The following RAP1GAP2 variants were observed in gnomAD, a reference collection of about 807,000 sequenced individuals.
RAP1GAP2 encodes RAP1 GTPase activating protein 2, also known as rap1 GTPase-activating protein 2.
Under a neutral mutation model 95.0 loss-of-function variants are expected in RAP1GAP2, and 27 were observed. That is an observed-to-expected ratio of 0.28 (90% CI 0.21 to 0.39). The LOEUF (loss-of-function observed/expected upper bound fraction) is 0.39. Ranked by LOEUF, RAP1GAP2 falls within the 10% of genes least tolerant of loss-of-function variation. The pLI, the probability that RAP1GAP2 is intolerant of heterozygous loss-of-function variation, is 1.00. For synonymous variants in RAP1GAP2, 373 were observed against 380.9 expected, an observed-to-expected ratio of 0.98 and a Z score of 0.24; for missense variants, 771 against 970.0, an observed-to-expected ratio of 0.79 and a Z score of 2.72.
rs1233205678 is a variant in RAP1GAP2 at position 2,809,235 on chromosome 17, A to C, written c.80+8685A>C. Among the ~76,000 whole-genome samples the C allele has an allele frequency of 5.3e-5, 8 of 152,254 alleles. No individual in the cohort carries two copies. In the South Asian group the frequency reaches 1.0e-3, roughly 20 times the overall value. The stretch of plus-strand genomic sequence containing the variant: ...GTCTTGTGGGTATCTGCTGATGGGC[A>C]GGCAGGGAGCCGGCTGGCAGCCCTG... On this transcript the variant is annotated intron_variant, in intron 2 of 24. Transcript: ENST00000254695.
intron 1 of RAP1GAP2, among the ~76,000 whole-genome samples, chr17:2,799,748 G>A (rs2069201257): frequency 6.6e-6 from 1 of 152,210 alleles, no homozygotes; most frequent in African/African-American, 2.4e-5. Context: ...CTGACAGTGG[G>A]AACACTGTCC....
At chr17:2,780,474 A>G (rs1300099144) in intron 1 of RAP1GAP2, among the ~76,000 whole-genome samples, 1 of 152,236 alleles carries the variant, frequency 6.6e-6, no homozygotes, top group Non-Finnish European at 1.5e-5. Flanking sequence ...GAAGGTCCAC[A>G]GGTGCCTTTG....
Position 2,943,153 on chromosome 17 carries a change from A to G in RAP1GAP2, c.166-14606A>G, listed in dbSNP as rs550297780. On this transcript the variant is annotated intron_variant, in intron 3 of 24. Coordinates refer to ENST00000254695, the MANE Select transcript of RAP1GAP2 (RefSeq NM_015085.5). Reference sequence around the variant, plus strand: ...TTCTCCTCCCCCCAAGCCCCTGACAATCACGAATCTGTTTTCTGTCTTTAT... The same window carrying G: ...TTCTCCTCCCCCCAAGCCCCTGACAGTCACGAATCTGTTTTCTGTCTTTAT... 7.9e-5 allele frequency among the ~76,000 whole-genome samples: 12 copies of G among 152,154 alleles called. No individual in the cohort carries two copies. The East Asian group carries it at 2.3e-3, about 29-fold the overall frequency.
intron 2 of RAP1GAP2, among the ~76,000 whole-genome samples, chr17:2,886,171 A>ATATTTTTTTT (rs1172583026): frequency 8.1e-6 from 1 of 123,352 alleles, no homozygotes; most frequent in Non-Finnish European, 1.6e-5. Context: ...GTATATATAT[A>ATATTTTTTTT]TTTTTTTTTT....
At chr17:2,815,571 TC>T (rs1266782554) in intron 2 of RAP1GAP2, among the ~76,000 whole-genome samples, 1 of 151,742 alleles carries the variant, frequency 6.6e-6, no homozygotes, top group African/African-American at 2.4e-5. Context: ...AACCTCCACC[TC>T]CCCGGTTCAA....
chr17:2,817,246 G>A lies in RAP1GAP2; in HGVS notation c.80+16696G>A, dbSNP rs1325677008. 5.9e-5 allele frequency among the ~76,000 whole-genome samples: 7 copies of A among 118,858 alleles called. 3 individuals are homozygous for A. Among genetic ancestry groups the A allele is most frequent in the Non-Finnish European group, 1.2e-4 (6 of 49,560 alleles). The allele number at this position is 118,858 out of a possible 152,430, so 78.0% of individuals were successfully genotyped here. A position where few individuals can be genotyped will look rare whatever the true frequency, so the allele number is the denominator to read the frequency against. On this transcript the variant is annotated intron_variant, in intron 2 of 24. Transcript: ENST00000254695. The stretch of plus-strand genomic sequence containing the variant: ...TGACCTCAGGTGATCCGCCTGCCTC[G>A]GCCTCCTAAGGTGCTGGGATTACAG...
At chr17:2,936,229 G>C (rs1384772816) in intron 3 of RAP1GAP2, among the ~76,000 whole-genome samples, 1 of 148,438 alleles carries the variant, frequency 6.7e-6, no homozygotes, top group African/African-American at 2.5e-5. Flanking sequence ...TTAGCATTAG[G>C]TATGTCTCCT....
chr17:3,034,377 C>T lies in RAP1GAP2; in HGVS notation c.*1016C>T, dbSNP rs767012657. 1.2e-5 allele frequency: 3 copies of T among 246,690 alleles called. No homozygotes were observed. The highest frequency in any genetic ancestry group is 4.4e-4 in the Middle Eastern group (1 of 2,250). The allele number at this position is 246,690 out of a possible 1,614,324, so 15.3% of individuals were successfully genotyped here. A position where few individuals can be genotyped will look rare whatever the true frequency, so the allele number is the denominator to read the frequency against. The stretch of plus-strand genomic sequence containing the variant: ...TTCAAGGAAGACGTCGTTATCTCCC[C>T]TCCCCACTTACTCGAGGAGAGAGGT... On this transcript the variant is annotated 3_prime_UTR_variant, in exon 25 of 25. Coordinates refer to ENST00000254695, the MANE Select transcript of RAP1GAP2 (RefSeq NM_015085.5). This position sits in a 1 kb window ranked among gnomAD's most constrained non-coding sequence, Gnocchi z 5.1.
chr17:2,875,464 C>T lies in RAP1GAP2; in HGVS notation c.81-29820C>T, dbSNP rs187927464. Among the ~76,000 whole-genome samples, 54 of 152,060 alleles carry T rather than the reference C, an allele frequency of 3.6e-4. No homozygotes were observed. In the East Asian group the frequency reaches 9.1e-3, roughly 26 times the overall value. ...GGTTACAGGGGTAACATTGGCTGTGCGTTGTTGAGCTCTAGGGTCTGAGTG... is the reference window on the plus strand; with the variant it reads ...GGTTACAGGGGTAACATTGGCTGTGTGTTGTTGAGCTCTAGGGTCTGAGTG... On this transcript the variant is annotated intron_variant, in intron 2 of 24. Transcript: ENST00000254695.
In RAP1GAP2 at chr17:2,993,300, G is replaced by A. The variant is rs555555813; in HGVS notation, c.914+1903G>A. On this transcript the variant is annotated intron_variant, in intron 12 of 24. Transcript: ENST00000254695. ...ATTAAAATAAGATAATGGGCTGAGC[G>A]TGGTGGCTCACGCCTATAACCCCAG... 6.0e-5 allele frequency among the ~76,000 whole-genome samples: 9 copies of A among 149,554 alleles called. No homozygotes were observed. The South Asian group carries it at 1.5e-3, about 25-fold the overall frequency.
chr17:2,933,762 T>C (rs193228109), intron 3 of RAP1GAP2, among the ~76,000 whole-genome samples: 118 of 151,650 alleles, frequency 7.8e-4, no homozygotes, highest in African/African-American at 2.5e-3. Context: ...GAGCTGCTTT[T>C]TTCCAGTTCC....
At chr17:3,017,248 C>G (rs565951868) in intron 17 of RAP1GAP2, among the ~76,000 whole-genome samples, 5 of 152,116 alleles carry the variant, frequency 3.3e-5, no homozygotes, top group Non-Finnish European at 7.4e-5. Context: ...CTTGACCTCC[C>G]TGGTGGTCCT....
At chr17:2,762,233 T>C (rs1178562560) in intron 1 of RAP1GAP2, among the ~76,000 whole-genome samples, 3 of 151,352 alleles carry the variant, frequency 2.0e-5, no homozygotes, top group South Asian at 2.1e-4. Flanking sequence ...GTGATCCACC[T>C]GCCTCGGCCT....
chr17:2,879,704 C>T lies in RAP1GAP2; in HGVS notation c.81-25580C>T, dbSNP rs545448027. ...TCGCACCATGGCACTCCAGCCTGGG[C>T]GACAGGGCGAGACTCCATCTCAAAA... is the stretch of plus-strand genomic sequence containing the variant. On this transcript the variant is annotated intron_variant, in intron 2 of 24. Coordinates refer to ENST00000254695, the MANE Select transcript of RAP1GAP2 (RefSeq NM_015085.5). Among the ~76,000 whole-genome samples the T allele has an allele frequency of 1.3e-3, 184 of 147,002 alleles. 1 individual carries two copies. Among genetic ancestry groups the T allele is most frequent in the African/African-American group, 3.6e-3 (144 of 39,538 alleles).
At chr17:2,946,817 T>C (rs1328094240) in intron 3 of RAP1GAP2, among the ~76,000 whole-genome samples, 1 of 152,166 alleles carries the variant, frequency 6.6e-6, no homozygotes, top group Non-Finnish European at 1.5e-5. Flanking sequence ...TGCAGTGGCG[T>C]GATCTCGGCT....
chr17:2,805,442 G>C (rs1302116942), intron 2 of RAP1GAP2, among the ~76,000 whole-genome samples: 1 of 152,060 alleles, frequency 6.6e-6, no homozygotes, highest in Non-Finnish European at 1.5e-5. Flanking sequence ...TGCAACCTCC[G>C]TCTCCTGGGT....
chr17:2,950,237 A>G (rs889699124), intron 3 of RAP1GAP2, among the ~76,000 whole-genome samples: 1 of 151,982 alleles, frequency 6.6e-6, no homozygotes, highest in African/African-American at 2.4e-5. Flanking sequence ...TATTTTTAAT[A>G]GAGACAGTTT....
At chr17:2,841,797 C>G (rs2071383492) in intron 2 of RAP1GAP2, among the ~76,000 whole-genome samples, 1 of 152,170 alleles carries the variant, frequency 6.6e-6, no homozygotes, top group Non-Finnish European at 1.5e-5. Flanking sequence ...TGAGAAGTCT[C>G]AGACACAGCG....
At chr17:2,876,575 G>A (rs987036291) in intron 2 of RAP1GAP2, among the ~76,000 whole-genome samples, 11 of 152,302 alleles carry the variant, frequency 7.2e-5, no homozygotes, top group Middle Eastern at 3.4e-3. Flanking sequence ...GTTAAGATAA[G>A]CAGCCGTGGA....
Sources: gnomAD v4.1 joint callset for allele counts (sites outside exome capture counted in the v4.1 genomes callset) on GRCh38, gnomAD v4.1.1 for gene constraint, Gnocchi (gnomAD v3.1) non-coding constraint, MANE v1.5 for transcripts, NCBI Gene and HGNC (gene_info 2026-07-23, HGNC 2026-07-21) for gene names.